NRXN1: variants seen among roughly 807,000 people sequenced by gnomAD.
NRXN1 encodes the protein neurexin-1.
NRXN1 carries 39 observed loss-of-function variants against 150.9 expected under a neutral mutation model. The observed-to-expected ratio is 0.26, with a 90% confidence interval of 0.20 to 0.34. The LOEUF is 0.34. NRXN1 is among the 10% of genes least tolerant of loss of function. The pLI is 1.00. For synonymous variants in NRXN1, 924 were observed against 757.0 expected (o/e 1.22, Z -3.62); for missense variants, 1,815 against 1,949.9 (o/e 0.93, Z 1.30).
At chr2:50,625,868 G>C (rs1680934677) in intron 5 of NRXN1, among the ~76,000 whole-genome samples, 1 of 151,968 alleles carries the variant, frequency 6.6e-6, no homozygotes, top group Non-Finnish European at 1.5e-5. Context: ...ATGTCTTCCT[G>C]CTTGCCTAAT....
At chr2:50,208,351 T>C (rs528534519) in intron 18 of NRXN1, among the ~76,000 whole-genome samples, 2 of 152,214 alleles carry the variant, frequency 1.3e-5, no homozygotes, top group Non-Finnish European at 1.5e-5. Flanking sequence ...TACAGGTTAC[T>C]GCAATGCTGC....
chr2:50,826,576 C>T (rs901363427), intron 5 of NRXN1, among the ~76,000 whole-genome samples: 2 of 151,942 alleles, frequency 1.3e-5, no homozygotes, highest in African/African-American at 2.4e-5. Flanking sequence ...CCTAAGTAAT[C>T]CTTCAATTGT....
chr2:50,417,740 T>C (rs1365437793), intron 17 of NRXN1, among the ~76,000 whole-genome samples: 1 of 151,698 alleles, frequency 6.6e-6, no homozygotes, highest in Non-Finnish European at 1.5e-5. Context: ...AACATTTGAA[T>C]TGAGGCCTGG....
intron 5 of NRXN1, chr2:50,696,187 T>C (rs1272922119): frequency 1.3e-5 from 2 of 151,592 alleles, no homozygotes; most frequent in African/African-American, 2.4e-5. Flanking sequence ...TGTGTGTGTG[T>C]GTGTGTGTGT....
intron 12 of NRXN1, among the ~76,000 whole-genome samples, chr2:50,523,000 G>A (rs1356127956): frequency 6.6e-6 from 1 of 151,920 alleles, no homozygotes; most frequent in Non-Finnish European, 1.5e-5. Context: ...CTCCCAAACT[G>A]CTGGGATTAC....
At chr2:49,971,094 T>A (rs958621264) in intron 21 of NRXN1, among the ~76,000 whole-genome samples, 1 of 152,138 alleles carries the variant, frequency 6.6e-6, no homozygotes, top group Admixed American at 6.6e-5. Flanking sequence ...CTTAAATATT[T>A]AAACTTAATA....
intron 18 of NRXN1, among the ~76,000 whole-genome samples, chr2:50,200,299 G>A (rs1207514119): frequency 6.6e-6 from 1 of 152,064 alleles, no homozygotes; most frequent in Non-Finnish European, 1.5e-5. Flanking sequence ...TGCAAACTTA[G>A]TATCATCTCT....
intron 17 of NRXN1, among the ~76,000 whole-genome samples, chr2:50,364,166 C>A (rs1023426402): frequency 1.3e-5 from 2 of 152,104 alleles, no homozygotes; most frequent in South Asian, 2.1e-4. Flanking sequence ...GTGCAGCAAA[C>A]CACCATGGCA....
intron 18 of NRXN1, among the ~76,000 whole-genome samples, chr2:50,109,327 T>C (rs553285205): frequency 1.3e-5 from 2 of 152,286 alleles, no homozygotes; most frequent in South Asian, 4.1e-4. Flanking sequence ...TCCTTTCTGG[T>C]TCTGTAATTC....
intron 18 of NRXN1, among the ~76,000 whole-genome samples, chr2:50,155,169 T>C (rs1302467903): frequency 1.3e-5 from 2 of 151,648 alleles, no homozygotes; most frequent in Non-Finnish European, 3.0e-5. Context: ...GATTCTTTTA[T>C]TATGGAAAGA....
chr2:50,457,700 T>C lies in NRXN1; in HGVS notation c.3364+7742A>G, dbSNP rs116423198. ...AAGACATATAAATGGTCAACAGGAA[T>C]ATAAAAAAAATGCTTGATATCACTA... On this transcript the variant is annotated intron_variant, in intron 17 of 22. Transcript: ENST00000401669. 9.7e-3 allele frequency among the ~76,000 whole-genome samples: 1,470 copies of C among 151,890 alleles called. 24 individuals carry two copies. The highest frequency in any genetic ancestry group is 0.034 in the African/African-American group (1,397 of 41,450).
At chr2:50,107,452 T>C (rs1701809582) in intron 18 of NRXN1, among the ~76,000 whole-genome samples, 1 of 149,966 alleles carries the variant, frequency 6.7e-6, no homozygotes, top group South Asian at 2.1e-4. Flanking sequence ...TTACTATTCT[T>C]CCACTTCTTA....
intron 5 of NRXN1, among the ~76,000 whole-genome samples, chr2:50,782,288 G>A (rs1426795713): frequency 6.6e-6 from 1 of 151,966 alleles, no homozygotes; most frequent in Non-Finnish European, 1.5e-5. Flanking sequence ...GGCCAACCTG[G>A]TGAAATCCCA....
chr2:50,089,619 C>G (rs945607904), intron 19 of NRXN1, among the ~76,000 whole-genome samples: 1 of 151,880 alleles, frequency 6.6e-6, no homozygotes, highest in Admixed American at 6.6e-5. Flanking sequence ...AGACCCCCAT[C>G]TCTACAAAAA....
At chr2:50,829,266 A>AGGGAGACCGTG (rs1225492475) in intron 5 of NRXN1, among the ~76,000 whole-genome samples, 9 of 111,632 alleles carry the variant, frequency 8.1e-5, no homozygotes, top group East Asian at 2.4e-4. Flanking sequence ...CCGTGGGGAG[A>AGGGAGACCGTG]GGGAGAGGGA....
chr2:50,203,058 T>C (rs992549032), intron 18 of NRXN1, among the ~76,000 whole-genome samples: 2 of 152,072 alleles, frequency 1.3e-5, no homozygotes, highest in Non-Finnish European at 2.9e-5. Context: ...TGAGAGGGTA[T>C]AATGAATGGC....
chr2:50,301,063 G>GCTGGAA (rs1558483514), intron 17 of NRXN1, among the ~76,000 whole-genome samples: 1 of 152,092 alleles, frequency 6.6e-6, no homozygotes, highest in African/African-American at 2.4e-5. Flanking sequence ...TACAAAAAGA[G>GCTGGAA]CTGGAACTCC....
intron 17 of NRXN1, among the ~76,000 whole-genome samples, chr2:50,451,464 G>A (rs1055320236): frequency 6.6e-6 from 1 of 152,116 alleles, no homozygotes; most frequent in East Asian, 1.9e-4. Flanking sequence ...GCTTCATTAG[G>A]TTGTTAGTCA....
intron 19 of NRXN1, among the ~76,000 whole-genome samples, chr2:50,076,522 T>A (rs1225196556): frequency 6.6e-6 from 1 of 152,170 alleles, no homozygotes; most frequent in Admixed American, 6.5e-5. Context: ...ATTAGGAAAA[T>A]GAGATTAAAG....
Sources: allele counts gnomAD v4.1 joint callset (sites outside exome capture counted in the v4.1 genomes callset), GRCh38; gene constraint gnomAD v4.1.1; transcripts MANE v1.5; gene names NCBI Gene and HGNC (gene_info 2026-07-23, HGNC 2026-07-21).